The following SYT1 variants were observed in gnomAD, a reference collection of about 807,000 sequenced individuals.
The protein encoded by SYT1 is synaptotagmin-1.
Under a neutral mutation model 44.8 loss-of-function variants are expected in SYT1, and 8 were observed. The observed-to-expected ratio is 0.18, with a 90% CI of 0.10 to 0.32. The LOEUF is 0.32. SYT1 is among the 10% of genes least tolerant of loss of function. The pLI is 1.00. For missense variants in SYT1, 286 were observed against 509.3 expected, an observed-to-expected ratio of 0.56 and a Z score of 4.22; for synonymous variants, 154 against 188.8, an observed-to-expected ratio of 0.82 and a Z score of 1.51.
chr12:79,027,329 T>C (rs544208616), intron 2 of SYT1, among the ~76,000 whole-genome samples: 156 of 151,676 alleles, frequency 1.0e-3, no homozygotes, highest in African/African-American at 3.6e-3. Flanking sequence ...TTTTTCTTCA[T>C]AGCCATTATT....
chr12:79,218,297 A>G (rs1401019178), intron 4 of SYT1, among the ~76,000 whole-genome samples: 2 of 152,222 alleles, frequency 1.3e-5, no homozygotes. Flanking sequence ...CATTAATAAT[A>G]TATCTATGGT....
Position 79,431,506 on chromosome 12 carries a change from TTA to T in SYT1, c.929-12565_929-12564del, listed in dbSNP as rs1355936481. Reference sequence around the variant, plus strand: ...TATTAAAGCCATAGTTTATTTTATTTTATTTTATTATTTATTTATTTATTTAT... The same window carrying T: ...TATTAAAGCCATAGTTTATTTTATTTTTTTATTATTTATTTATTTATTTAT... On this transcript the variant is annotated intron_variant, in intron 9 of 10. Transcript: ENST00000261205. Among the ~76,000 whole-genome samples, 295 of 107,476 alleles carry T rather than the reference TTA, an allele frequency of 2.7e-3. 2 individuals carry two copies. Among genetic ancestry groups the T allele is most frequent in the Non-Finnish European group, 4.7e-3 (225 of 47,810 alleles). 70.5% of individuals were successfully genotyped at this position (107,476 alleles called of 152,430 possible).
chr12:79,150,883 G>C (rs1870228123), intron 3 of SYT1, among the ~76,000 whole-genome samples: 1 of 152,112 alleles, frequency 6.6e-6, no homozygotes, highest in Admixed American at 6.5e-5. Context: ...GTCATTAGCA[G>C]TTCTTGTTTT....
rs1298013189 is a variant in SYT1 at position 79,026,667 on chromosome 12, T to TTTA, written c.-83-20629_-83-20628insTAT. On this transcript the variant is annotated intron_variant, in intron 2 of 10. Transcript: ENST00000261205. The stretch of plus-strand genomic sequence containing the variant: ...TTGTGTGTGTATATACATATATATT[T>TTTA]TATATATATATATATATATATATAT... Among the ~76,000 whole-genome samples the TTTA allele has an allele frequency of 3.2e-4, 33 of 102,256 alleles. No individual in the cohort carries two copies. The East Asian group carries it at 3.9e-3, about 12-fold the overall frequency. The allele number at this position is 102,256 out of a possible 152,430, so 67.1% of individuals were successfully genotyped here. A position where few individuals can be genotyped will look rare whatever the true frequency, so the allele number is the denominator to read the frequency against.
At chr12:78,927,174 C>A (rs1382858090) in intron 1 of SYT1, among the ~76,000 whole-genome samples, 1 of 152,100 alleles carries the variant, frequency 6.6e-6, no homozygotes, top group Non-Finnish European at 1.5e-5. Flanking sequence ...TCCCTCATTT[C>A]CCCACATCAC....
intron 1 of SYT1, among the ~76,000 whole-genome samples, chr12:78,871,539 G>GA (rs994912565): frequency 1.1e-4 from 16 of 151,484 alleles, no homozygotes; most frequent in South Asian, 8.3e-4. Context: ...ATTTTTGAGG[G>GA]AAAAAAAACT....
At chr12:79,422,476 A>G (rs1241432084) in intron 9 of SYT1, among the ~76,000 whole-genome samples, 1 of 151,344 alleles carries the variant, frequency 6.6e-6, no homozygotes, top group Non-Finnish European at 1.5e-5. Flanking sequence ...TATCTAGTAT[A>G]GGTGACTTAT....
At chr12:79,250,276 C>T (rs1268465444) in intron 4 of SYT1, among the ~76,000 whole-genome samples, 1 of 152,090 alleles carries the variant, frequency 6.6e-6, no homozygotes, top group Non-Finnish European at 1.5e-5. Flanking sequence ...GTCTGACTTC[C>T]AGAATATGAT....
rs1392932268 is a variant in SYT1 at position 79,451,855 on chromosome 12, C to A, written c.*2731C>A. 1 of 152,128 alleles carries A rather than the reference C, an allele frequency of 6.6e-6. No individual in the cohort carries two copies. Among genetic ancestry groups the A allele is most frequent in the Non-Finnish European group, 1.5e-5 (1 of 68,024 alleles). 9.4% of individuals were successfully genotyped at this position (152,128 alleles called of 1,614,324 possible). A position where few individuals can be genotyped will look rare whatever the true frequency, so the allele number is the denominator to read the frequency against. On this transcript the variant is annotated 3_prime_UTR_variant, in exon 11 of 11. Transcript: ENST00000261205. ...ATATGGCTCGTGGCCTGCGAGCCAACTATTTCAGCTGTATTTTACCTTCAT... is the reference window on the plus strand; with the variant it reads ...ATATGGCTCGTGGCCTGCGAGCCAAATATTTCAGCTGTATTTTACCTTCAT...
chr12:79,048,945 T>C (rs1013260188), intron 3 of SYT1, among the ~76,000 whole-genome samples: 6 of 151,862 alleles, frequency 4.0e-5, no homozygotes, highest in Non-Finnish European at 8.8e-5. Flanking sequence ...TGTCTTAAAG[T>C]TTTGTTTTTA....
At chr12:79,033,093 T>C (rs1872923638) in intron 2 of SYT1, among the ~76,000 whole-genome samples, 1 of 151,036 alleles carries the variant, frequency 6.6e-6, no homozygotes, top group Non-Finnish European at 1.5e-5. Context: ...CTTTTGTCAG[T>C]AAAAATTAGT....
At chr12:79,070,629 G>A (rs553155721) in intron 3 of SYT1, among the ~76,000 whole-genome samples, 2 of 151,120 alleles carry the variant, frequency 1.3e-5, no homozygotes, top group South Asian at 4.2e-4. Flanking sequence ...ACTTTATTCT[G>A]CAAAGCTAAA....
chr12:79,119,229 G>C (rs974034767), intron 3 of SYT1, among the ~76,000 whole-genome samples: 1 of 152,086 alleles, frequency 6.6e-6, no homozygotes, highest in Non-Finnish European at 1.5e-5. Flanking sequence ...TTCAGTTTTA[G>C]CCTCCTGAAC....
At chr12:79,218,600 T>G (rs893667891) in intron 4 of SYT1, among the ~76,000 whole-genome samples, 2 of 152,218 alleles carry the variant, frequency 1.3e-5, no homozygotes, top group Non-Finnish European at 2.9e-5. Context: ...CTTTTTTAGA[T>G]TTCACATATG....
chr12:79,086,662 C>T (rs893664219), intron 3 of SYT1, among the ~76,000 whole-genome samples: 2 of 152,106 alleles, frequency 1.3e-5, no homozygotes, highest in African/African-American at 2.4e-5. Context: ...GTTGGCTTGC[C>T]GTGACTTTGC....
At chr12:79,353,168 A>C (rs1236544634) in intron 8 of SYT1, among the ~76,000 whole-genome samples, 1 of 152,200 alleles carries the variant, frequency 6.6e-6, no homozygotes, top group East Asian at 1.9e-4. Context: ...AAATTTTGCC[A>C]AGAGTTTTGC....
At chr12:78,930,926 C>T (rs1479358356) in intron 1 of SYT1, among the ~76,000 whole-genome samples, 1 of 151,430 alleles carries the variant, frequency 6.6e-6, no homozygotes, top group African/African-American at 2.4e-5. Flanking sequence ...GTTGCTATAC[C>T]TAAGACTGAA....
intron 1 of SYT1, among the ~76,000 whole-genome samples, chr12:78,961,074 T>C (rs1203788020): frequency 6.6e-6 from 1 of 152,168 alleles, no homozygotes. Flanking sequence ...TGTTGCTGTT[T>C]CCTTAAGTTT....
chr12:79,308,617 AAAGAAAGAAAG>A (rs1880583633), intron 8 of SYT1, among the ~76,000 whole-genome samples: 1 of 22,846 alleles, frequency 4.4e-5, no homozygotes, highest in African/African-American at 1.6e-4. Flanking sequence ...AAAGAAAAAG[AAAGAAAGAAAG>A]AAAGAAAGAA....
Sources: gnomAD v4.1 joint callset for allele counts (sites outside exome capture counted in the v4.1 genomes callset) on GRCh38, gnomAD v4.1.1 for gene constraint, MANE v1.5 for transcripts, NCBI Gene and HGNC (gene_info 2026-07-23, HGNC 2026-07-21) for gene names.